The following CFAP61 variants were observed in gnomAD, a reference collection of about 807,000 sequenced individuals.
CFAP61 encodes the protein cilia- and flagella-associated protein 61.
In CFAP61, 107 loss-of-function variants were observed where a neutral mutation model predicts 135.6. The ratio of observed to expected loss-of-function variants is 0.79; its 90% confidence interval spans 0.67 to 0.93. CFAP61 has a LOEUF of 0.93. Ranked by LOEUF, CFAP61 falls within the 40% of genes least tolerant of loss-of-function variation. The probability of loss-of-function intolerance (pLI) is 0.00; values close to 1 mark genes in which losing one functional copy is unlikely to be tolerated. For synonymous variants in CFAP61, 575 were observed against 578.5 expected, an observed-to-expected ratio of 0.99 and a Z score of 0.09; for missense variants, 1,507 against 1,556.2, an observed-to-expected ratio of 0.97 and a Z score of 0.53.
intron 24 of CFAP61, among the ~76,000 whole-genome samples, chr20:20,296,001 C>T (rs1463987888): frequency 1.0e-5 from 1 of 95,856 alleles, no homozygotes; most frequent in Non-Finnish European, 2.4e-5. Flanking sequence ...CTCCTTCCTT[C>T]CTTCCTTCCC....
At chr20:20,081,507 T>G (rs2046431211) in intron 6 of CFAP61, among the ~76,000 whole-genome samples, 1 of 152,214 alleles carries the variant, frequency 6.6e-6, no homozygotes, top group Non-Finnish European at 1.5e-5. Flanking sequence ...TGTCTGTTAA[T>G]TTACTCGCTA....
intron 19 of CFAP61, 54 bp downstream of exon 19, chr20:20,246,269 GC>G: frequency 9.1e-7 from 1 of 1,101,426 alleles, no homozygotes. Context: ...TACTCTGTGT[GC>G]AGTCTATTTA....
Position 20,343,209 on chromosome 20 carries a change from G to A in CFAP61, c.3513+1288G>A, listed in dbSNP as rs780555328. Among the ~76,000 whole-genome samples the A allele has an allele frequency of 5.9e-5, 9 of 152,132 alleles. No homozygotes were observed. In the South Asian group the frequency reaches 6.2e-4, roughly 11 times the overall value. ...GGTAACACAGCAAGCTTCACACTCCGGGGTGTCTCACCCCAAAGCTGGGAA... is the reference window on the plus strand; with the variant it reads ...GGTAACACAGCAAGCTTCACACTCCAGGGTGTCTCACCCCAAAGCTGGGAA... On this transcript the variant is annotated intron_variant, in intron 26 of 26. Transcript: ENST00000245957.
chr20:20,262,043 CCTTTT>C (rs557020189), intron 20 of CFAP61, among the ~76,000 whole-genome samples: 1 of 152,222 alleles, frequency 6.6e-6, no homozygotes, highest in East Asian at 1.9e-4. Flanking sequence ...CTGTTTCTTT[CCTTTT>C]CTTTTCTGCC....
At chr20:20,074,956 C>G (rs2045951704) in intron 4 of CFAP61, among the ~76,000 whole-genome samples, 1 of 152,188 alleles carries the variant, frequency 6.6e-6, no homozygotes, top group Non-Finnish European at 1.5e-5. Flanking sequence ...ACCCTTTATT[C>G]TCTCTGCCTC....
intron 8 of CFAP61, among the ~76,000 whole-genome samples, chr20:20,121,098 T>G (rs558746829): frequency 2.0e-5 from 3 of 148,548 alleles, no homozygotes; most frequent in African/African-American, 7.4e-5. Context: ...TGTCTTTTAT[T>G]TTTACTTTTT....
chr20:20,209,519 C>G (rs1023309984), intron 17 of CFAP61, among the ~76,000 whole-genome samples: 1 of 152,280 alleles, frequency 6.6e-6, no homozygotes. Context: ...ACAACAAACC[C>G]TCTTTTTTAT....
At chr20:20,109,911 T>TG (rs1216667368) in intron 8 of CFAP61, among the ~76,000 whole-genome samples, 1 of 148,338 alleles carries the variant, frequency 6.7e-6, no homozygotes, top group East Asian at 1.9e-4. Context: ...GATTCATTCT[T>TG]TTTTTTTTTT....
intron 25 of CFAP61, among the ~76,000 whole-genome samples, chr20:20,326,668 G>A (rs2057758706): frequency 6.6e-6 from 1 of 152,100 alleles, no homozygotes; most frequent in Admixed American, 6.5e-5. Flanking sequence ...TTTCTACAGA[G>A]AATTCAGTTT....
rs781737669 is a variant in CFAP61 at position 20,251,790 on chromosome 20, C to T, written c.2328+27C>T. On this transcript the variant is annotated intron_variant, in intron 20 of 26. Transcript: ENST00000245957. ...TAAGGCCGGGCACAGGGGGCGCAAG[C>T]CACGTGTCTGGAGAGCTCCATGAAA... 11 of 1,609,518 alleles carry T rather than the reference C, an allele frequency of 6.8e-6. No individual in the cohort carries two copies. The Admixed American group carries it at 1.8e-4, about 27-fold the overall frequency.
At chr20:20,219,631 C>T (rs2048265718) in intron 17 of CFAP61, among the ~76,000 whole-genome samples, 1 of 152,148 alleles carries the variant, frequency 6.6e-6, no homozygotes. Flanking sequence ...AAACCTTCCC[C>T]TTACTGTTTT....
intron 2 of CFAP61, among the ~76,000 whole-genome samples, chr20:20,064,850 T>C (rs1035227067): frequency 4.6e-5 from 7 of 152,028 alleles, no homozygotes; most frequent in Admixed American, 1.3e-4. Context: ...GCTTAATGAG[T>C]CTAAATTTGT....
chr20:20,069,537 C>T (rs928943206), intron 2 of CFAP61, among the ~76,000 whole-genome samples: 3 of 152,178 alleles, frequency 2.0e-5, no homozygotes, highest in African/African-American at 7.2e-5. Context: ...CCTTGGCCTC[C>T]CAAAATGTGG....
At chr20:20,336,856 G>T (rs2058210227) in intron 25 of CFAP61, among the ~76,000 whole-genome samples, 1 of 152,156 alleles carries the variant, frequency 6.6e-6, no homozygotes, top group African/African-American at 2.4e-5. Context: ...CTGCAGCCCT[G>T]CCATGCCAGG....
chr20:20,157,484 A>G (rs565986627), intron 9 of CFAP61, among the ~76,000 whole-genome samples: 17 of 152,362 alleles, frequency 1.1e-4, no homozygotes, highest in African/African-American at 3.8e-4. Context: ...CATATAGACA[A>G]CTGATTTTTG....
rs548283894 is a variant in CFAP61, at chr20:20,059,607, G to C, written c.143+2811G>C. Among the ~76,000 whole-genome samples, 276 of 151,832 alleles carry C rather than the reference G, an allele frequency of 1.8e-3. 1 individual carries two copies. Among genetic ancestry groups the C allele is most frequent in the Non-Finnish European group, 3.4e-3 (232 of 67,942 alleles). Reference sequence around the variant, plus strand: ...CGCTCCAGCCTGGGTGACACAGTGAGACTCCATCTAAAAAATAAAATAAAA... The same window carrying C: ...CGCTCCAGCCTGGGTGACACAGTGACACTCCATCTAAAAAATAAAATAAAA... On this transcript the variant is annotated intron_variant, in intron 2 of 26. Coordinates refer to ENST00000245957, the MANE Select transcript of CFAP61 (RefSeq NM_015585.4).
At chr20:20,301,699 C>T (rs866002011) in intron 25 of CFAP61, among the ~76,000 whole-genome samples, 2 of 152,246 alleles carry the variant, frequency 1.3e-5, no homozygotes, top group Admixed American at 6.5e-5. Flanking sequence ...GTCCACGGAG[C>T]AGGGCTGTCT....
At chr20:20,179,511 C>T (rs543239000) in intron 13 of CFAP61, among the ~76,000 whole-genome samples, 4 of 152,290 alleles carry the variant, frequency 2.6e-5, no homozygotes, top group African/African-American at 9.6e-5. Context: ...TGACATTCTT[C>T]ACAGAACTAG....
intron 21 of CFAP61, among the ~76,000 whole-genome samples, chr20:20,269,740 T>C (rs2053195493): frequency 6.6e-6 from 1 of 152,208 alleles, no homozygotes; most frequent in South Asian, 2.1e-4. Flanking sequence ...AATATTTCAT[T>C]ATCTAGTTAT....
Sources: allele counts gnomAD v4.1 joint callset (sites outside exome capture counted in the v4.1 genomes callset), GRCh38; gene constraint gnomAD v4.1.1; transcripts MANE v1.5; gene names NCBI Gene and HGNC (gene_info 2026-07-23, HGNC 2026-07-21).